The following PA2G4 variants were observed in gnomAD, a reference collection of about 807,000 sequenced individuals.
PA2G4 encodes the protein proliferation-associated protein 2G4.
Under a neutral mutation model 53.3 loss-of-function variants are expected in PA2G4, and 8 were observed. The ratio of observed to expected loss-of-function variants is 0.15; its 90% CI spans 0.09 to 0.27. The LOEUF is 0.27. Among genes scored for constraint, PA2G4 ranks in the 10% least tolerant of loss-of-function variants. The pLI is 1.00. For synonymous variants in PA2G4, 143 were observed against 169.8 expected, an observed-to-expected ratio of 0.84 and a Z score of 1.23; for missense variants, 208 against 486.8, an observed-to-expected ratio of 0.43 and a Z score of 5.39.
chr12:56,110,520 T>A, intron 8 of PA2G4, 39 bp from the exon 9 acceptor site: 1 of 1,613,518 alleles, frequency 6.2e-7, no homozygotes, highest in Non-Finnish European at 8.5e-7. Context: ...TGACTGAGAG[T>A]GTTCACCAGA....
In PA2G4 at chr12:56,112,817, A is replaced by T. The variant is rs1245124993; in HGVS notation, c.1120-6A>T. ...GGTCTTCTCCCTCTCCTTTTCTTGC[A>T]TATAGGCCTCCAAGACTGCAGAGAA... On this transcript the variant is annotated splice_polypyrimidine_tract_variant and splice_region_variant and intron_variant, in intron 12 of 12. Coordinates refer to ENST00000303305, the MANE Select transcript of PA2G4 (RefSeq NM_006191.3). 1 of 1,580,636 alleles carries T rather than the reference A, an allele frequency of 6.3e-7. No homozygotes were observed. Among genetic ancestry groups the T allele is most frequent in the Admixed American group, 1.8e-5 (1 of 54,688 alleles).
In PA2G4 at chr12:56,113,639, A is replaced by G; in HGVS notation, c.*751A>G. 2 of 585,102 alleles carry G rather than the reference A, an allele frequency of 3.4e-6. No individual in the cohort carries two copies. Among genetic ancestry groups the G allele is most frequent in the Non-Finnish European group, 6.0e-6 (2 of 332,692 alleles). 36.2% of individuals were successfully genotyped at this position (585,102 alleles called of 1,614,324 possible). A position where few individuals can be genotyped will look rare whatever the true frequency, so the allele number is the denominator to read the frequency against. ...TACACAGACCTGAGCTGGAAGCTCAACTGGTTTTGTTCCCTGTTTGAAATA... is the reference window on the plus strand; with the variant it reads ...TACACAGACCTGAGCTGGAAGCTCAGCTGGTTTTGTTCCCTGTTTGAAATA... On this transcript the variant is annotated 3_prime_UTR_variant, in exon 13 of 13. Coordinates refer to ENST00000303305, the MANE Select transcript of PA2G4 (RefSeq NM_006191.3).
chr12:56,105,132 T>G, intron 1 of PA2G4: 2 of 615,746 alleles, frequency 3.2e-6, no homozygotes, highest in Non-Finnish European at 6.1e-6. Context: ...CTATCCTTCA[T>G]TCCCGATTAT....
intron 1 of PA2G4, 193 bp downstream of exon 1, chr12:56,105,018 T>C: frequency 5.6e-6 from 4 of 709,730 alleles, no homozygotes; most frequent in Non-Finnish European, 1.0e-5. Context: ...GGCTGAAGTC[T>C]ATGGAGGTGC....
At chr12:56,105,279 T>C (rs569960796) in intron 1 of PA2G4, among the ~76,000 whole-genome samples, 9 of 152,204 alleles carry the variant, frequency 5.9e-5, no homozygotes, top group Admixed American at 1.3e-4. Flanking sequence ...CTGGGTCCCA[T>C]TGCGGATGGC....
intron 5 of PA2G4, among the ~76,000 whole-genome samples, chr12:56,108,385 AG>A (rs1869344025): frequency 6.6e-6 from 1 of 152,258 alleles, no homozygotes; most frequent in Non-Finnish European, 1.5e-5. Flanking sequence ...TTATTGAGTT[AG>A]ACCATCTTTG....
Position 56,113,488 on chromosome 12 carries a change from C to T in PA2G4, c.*600C>T, listed in dbSNP as rs1478762776. ...GAGCCTTCATTTATGAAGAGATTCT[C>T]ATCTATGAAATGGATCCTCATTTGT... is the stretch of plus-strand genomic sequence containing the variant. On this transcript the variant is annotated 3_prime_UTR_variant, in exon 13 of 13. Coordinates refer to ENST00000303305, the MANE Select transcript of PA2G4 (RefSeq NM_006191.3). 4.2e-5 allele frequency: 10 copies of T among 240,208 alleles called. No homozygotes were observed. The allele number at this position is 240,208 out of a possible 1,614,324, so 14.9% of individuals were successfully genotyped here.
chr12:56,106,731 T>A lies in PA2G4; in HGVS notation c.217+15T>A, dbSNP rs77932546. On this transcript the variant is annotated intron_variant, in intron 2 of 12. Transcript: ENST00000303305. ...AATGAAGAAAGGTAAAAAAAAAAAA[T>A]CCCTCACTAATTTTCCGTTTGACCC... 15 of 1,513,492 alleles carry A rather than the reference T, an allele frequency of 9.9e-6. No homozygotes were observed. The highest frequency in any genetic ancestry group is 2.2e-5 in the East Asian group (1 of 44,508). 93.8% of individuals were successfully genotyped at this position (1,513,492 alleles called of 1,614,324 possible). A position where few individuals can be genotyped will look rare whatever the true frequency, so the allele number is the denominator to read the frequency against.
In PA2G4 at chr12:56,107,522, G is replaced by A. The variant is rs1168616877; in HGVS notation, c.395G>A (p.Gly132Glu). ...AHTFVVDVAQ[G>E]TQVTGRKADV... ...CTGATTGCATGTCCTTATCTACAGG[G>A]GACCCAAGTAACAGGGAGGAAAGCA... The change falls in exon 5 of 13, where the codon GGG (glycine) becomes GAG (glutamate). Residue 132 changes from glycine to glutamate, a missense_variant and splice_region_variant. Physicochemically the swap from Gly to Glu is moderately conservative, Grantham distance 98. Coordinates refer to ENST00000303305, the MANE Select transcript of PA2G4 (RefSeq NM_006191.3). 6.2e-7 allele frequency: 1 copy of A among 1,610,346 alleles called. No homozygotes were observed. The highest frequency in any genetic ancestry group is 1.1e-5 in the South Asian group (1 of 91,008).
Sources: gnomAD v4.1 joint callset for allele counts (sites outside exome capture counted in the v4.1 genomes callset) on GRCh38, gnomAD v4.1.1 for gene constraint, MANE v1.5 for transcripts, NCBI Gene and HGNC (gene_info 2026-07-23, HGNC 2026-07-21) for gene names.